The following ADAMTS12 variants were observed in gnomAD, a reference collection of about 807,000 sequenced individuals.
The protein encoded by ADAMTS12 is ADAM metallopeptidase with thrombospondin type 1 motif 12.
ADAMTS12 carries 118 observed loss-of-function variants against 167.8 expected under a neutral mutation model. That is an observed-to-expected ratio of 0.70 (90% CI 0.61 to 0.82). The LOEUF (loss-of-function observed/expected upper bound fraction) is 0.82. Ranked by LOEUF, ADAMTS12 falls within the 40% of genes least tolerant of loss-of-function variation. The probability of loss-of-function intolerance (pLI) is 0.00; values close to 1 mark genes in which losing one functional copy is unlikely to be tolerated. For synonymous variants in ADAMTS12, 704 were observed against 716.9 expected, an observed-to-expected ratio of 0.98 and a Z score of 0.29; for missense variants, 1,916 against 1,998.8, an observed-to-expected ratio of 0.96 and a Z score of 0.79.
chr5:33,618,294 T>C (rs1197923512), intron 14 of ADAMTS12, among the ~76,000 whole-genome samples: 1 of 152,146 alleles, frequency 6.6e-6, no homozygotes, highest in East Asian at 1.9e-4. Context: ...GAGGGGTTGA[T>C]TTTTCTCTCA....
intron 2 of ADAMTS12, among the ~76,000 whole-genome samples, chr5:33,821,521 C>A (rs1747865170): frequency 6.6e-6 from 1 of 152,088 alleles, no homozygotes; most frequent in African/African-American, 2.4e-5. Flanking sequence ...TGTTTTAGGT[C>A]ATACAAATTT....
chr5:33,760,438 CA>C (rs1745307835), intron 2 of ADAMTS12, among the ~76,000 whole-genome samples: 1 of 151,392 alleles, frequency 6.6e-6, no homozygotes, highest in African/African-American at 2.4e-5. Flanking sequence ...AAATGTTTTG[CA>C]TTTGAAATGT....
chr5:33,659,657 A>T (rs529639116), intron 6 of ADAMTS12, among the ~76,000 whole-genome samples: 1 of 152,320 alleles, frequency 6.6e-6, no homozygotes, highest in South Asian at 2.1e-4. Flanking sequence ...CTTAAGCTCT[A>T]CTTCCACCAT....
chr5:33,592,649 A>AT (rs531622163), intron 17 of ADAMTS12, among the ~76,000 whole-genome samples: 94 of 152,232 alleles, frequency 6.2e-4, no homozygotes, highest in African/African-American at 2.1e-3. Context: ...TGTAATATAT[A>AT]TTTTTTTATG....
intron 11 of ADAMTS12, among the ~76,000 whole-genome samples, chr5:33,639,652 C>A (rs375447616): frequency 6.6e-6 from 1 of 152,208 alleles, no homozygotes; most frequent in Non-Finnish European, 1.5e-5. Flanking sequence ...AGACTTGAAT[C>A]GTCGTCTTCC....
intron 7 of ADAMTS12, 44 bp from the exon 8 acceptor site, chr5:33,649,741 A>C: frequency 6.2e-7 from 1 of 1,602,666 alleles, no homozygotes. Context: ...GCAGGCAGGC[A>C]TTAAACAGGA....
At chr5:33,701,744 G>A (rs1036056264) in intron 3 of ADAMTS12, among the ~76,000 whole-genome samples, 56 of 152,186 alleles carry the variant, frequency 3.7e-4, no homozygotes, top group African/African-American at 1.3e-3. Context: ...TGGCAATCCA[G>A]GTAGGGTGGA....
chr5:33,864,240 CTCA>C, intron 2 of ADAMTS12, among the ~76,000 whole-genome samples: 1 of 152,312 alleles, frequency 6.6e-6, no homozygotes, highest in Middle Eastern at 3.4e-3. Context: ...TGATAAAAAG[CTCA>C]TCATCACTAG....
intron 6 of ADAMTS12, 114 bp downstream of exon 6, chr5:33,661,802 A>G: frequency 7.0e-7 from 1 of 1,438,244 alleles, no homozygotes; most frequent in Non-Finnish European, 9.5e-7. Flanking sequence ...CACTGTCTTT[A>G]CAAGAGCAGC....
chr5:33,580,797 G>T (rs1747024775), intron 18 of ADAMTS12, among the ~76,000 whole-genome samples: 1 of 152,024 alleles, frequency 6.6e-6, no homozygotes. Flanking sequence ...CCTGATTTTT[G>T]ACTTCTCTTG....
At position 33,732,157 on chromosome 5, in the gene ADAMTS12, C is replaced by T. The variant is rs115616535; in HGVS notation, c.634+19247G>A. Among the ~76,000 whole-genome samples the T allele has an allele frequency of 2.5e-3, 387 of 152,206 alleles. 3 individuals carry two copies. The highest frequency in any genetic ancestry group is 8.9e-3 in the African/African-American group (369 of 41,534). Reference sequence around the variant, plus strand: ...GTGATGTCTGCCCAGCACCAGGAGCCAGAAGAGGCAATACATGTACCACAT... The same window carrying T: ...GTGATGTCTGCCCAGCACCAGGAGCTAGAAGAGGCAATACATGTACCACAT... On this transcript the variant is annotated intron_variant, in intron 3 of 23. Transcript: ENST00000504830.
At chr5:33,539,115 T>A (rs1402387565) in intron 22 of ADAMTS12, among the ~76,000 whole-genome samples, 2 of 152,090 alleles carry the variant, frequency 1.3e-5, no homozygotes, top group Admixed American at 1.3e-4. Context: ...CTAATTTTTT[T>A]ATTTTTAGTA....
intron 1 of ADAMTS12, among the ~76,000 whole-genome samples, chr5:33,888,902 G>GAA (rs1750743944): frequency 6.6e-6 from 1 of 152,166 alleles, no homozygotes; most frequent in Non-Finnish European, 1.5e-5. Context: ...TAGTCAAATA[G>GAA]CCTGTTTCTA....
At chr5:33,713,170 G>C in intron 3 of ADAMTS12, among the ~76,000 whole-genome samples, 1 of 152,094 alleles carries the variant, frequency 6.6e-6, no homozygotes, top group South Asian at 2.1e-4. Context: ...GCAACAAAGG[G>C]AACAATCAGT....
At chr5:33,716,980 T>C (rs1341459537) in intron 3 of ADAMTS12, among the ~76,000 whole-genome samples, 1 of 152,164 alleles carries the variant, frequency 6.6e-6, no homozygotes, top group East Asian at 1.9e-4. Flanking sequence ...AGCAGAATCC[T>C]TATTTTATTG....
At chr5:33,836,891 C>G (rs1406421422) in intron 2 of ADAMTS12, among the ~76,000 whole-genome samples, 2 of 151,898 alleles carry the variant, frequency 1.3e-5, no homozygotes, top group Non-Finnish European at 2.9e-5. Flanking sequence ...GGTCATCTGG[C>G]CTCCGGGAGA....
At chr5:33,672,750 T>A (rs1741759265) in intron 5 of ADAMTS12, among the ~76,000 whole-genome samples, 1 of 152,210 alleles carries the variant, frequency 6.6e-6, no homozygotes, top group Non-Finnish European at 1.5e-5. Context: ...TTCATCCTTG[T>A]GGAGAAAGCA....
intron 2 of ADAMTS12, among the ~76,000 whole-genome samples, chr5:33,753,395 A>G (rs903314031): frequency 6.6e-6 from 1 of 152,204 alleles, no homozygotes; most frequent in African/African-American, 2.4e-5. Context: ...ATAGTGGGAA[A>G]CAGACTCTGT....
chr5:33,805,521 C>G (rs1249045877), intron 2 of ADAMTS12, among the ~76,000 whole-genome samples: 1 of 152,206 alleles, frequency 6.6e-6, no homozygotes, highest in East Asian at 1.9e-4. Context: ...AGGAGGATCA[C>G]TGACTGCACA....
Sources: allele counts gnomAD v4.1 joint callset (sites outside exome capture counted in the v4.1 genomes callset), GRCh38; gene constraint gnomAD v4.1.1; transcripts MANE v1.5; gene names NCBI Gene and HGNC (gene_info 2026-07-23, HGNC 2026-07-21).